The following CTPS2 variants were observed in gnomAD, a reference collection of about 807,000 sequenced individuals.
CTPS2 encodes CTP synthase II.
A neutral mutation model predicts 46.8 loss-of-function variants in CTPS2; 19 were observed. The ratio of observed to expected loss-of-function variants is 0.41; its 90% CI spans 0.28 to 0.60. CTPS2 has a LOEUF of 0.60. Ranked by LOEUF, CTPS2 falls within the 20% of genes least tolerant of loss-of-function variation. The probability of loss-of-function intolerance (pLI) is 0.35; values close to 1 mark genes in which losing one functional copy is unlikely to be tolerated. For synonymous variants in CTPS2, 151 were observed against 165.2 expected (o/e 0.91, Z 0.66); for missense variants, 286 against 447.6 (o/e 0.64, Z 3.26).
chrX:16,618,649 T>C (rs1336159518), intron 15 of CTPS2, among the ~76,000 whole-genome samples: 1 of 111,921 alleles, frequency 8.9e-6, no homozygotes, highest in Non-Finnish European at 1.9e-5. Context: ...GCTTAGTGGG[T>C]GTGAAGTGGT....
chrX:16,640,620 C>T (rs1196128075), intron 13 of CTPS2, among the ~76,000 whole-genome samples: 1 of 111,740 alleles, frequency 8.9e-6, no homozygotes, highest in African/African-American at 3.3e-5. Context: ...TGGTGAGTCT[C>T]GTAATTCATC....
In CTPS2 at chrX:16,609,617, G is replaced by C. The variant is rs1930162470; in HGVS notation, c.1615C>G (p.Pro539Ala). ...FSSRPMKPSP[P>A]YLGLLLAATG... ...GCTGCAAGTAACAGCCCCAGATACG[G>C]AGGGGAAGGCTTCATCGGCCTAGAA... is the stretch of plus-strand genomic sequence containing the variant. Residue 539 changes from proline (P) to alanine (A), a missense_variant, in exon 17 of 19, where the codon CCG (proline) becomes GCG (alanine). Coordinates refer to ENST00000359276, the MANE Select transcript of CTPS2 (RefSeq NM_175859.3). 3 of 1,210,971 alleles carry C rather than the reference G, an allele frequency of 2.5e-6. No individual in the cohort carries two copies. Among genetic ancestry groups the C allele is most frequent in the Non-Finnish European group, 3.4e-6 (3 of 894,738 alleles).
intron 13 of CTPS2, among the ~76,000 whole-genome samples, chrX:16,652,883 T>C (rs1186001998): frequency 9.0e-6 from 1 of 111,713 alleles, no homozygotes; most frequent in African/African-American, 3.3e-5. Flanking sequence ...GAAAACAGTG[T>C]TTCATATTCA....
intron 14 of CTPS2, among the ~76,000 whole-genome samples, chrX:16,632,603 T>A (rs1189493962): frequency 1.8e-5 from 2 of 110,446 alleles, no homozygotes; most frequent in Non-Finnish European, 3.8e-5. Context: ...TTTGTATTTT[T>A]AGTAGAGACA....
intron 17 of CTPS2, among the ~76,000 whole-genome samples, chrX:16,593,942 C>T (rs1353192411): frequency 9.0e-6 from 1 of 111,042 alleles, no homozygotes; most frequent in African/African-American, 3.3e-5. Flanking sequence ...ACTCTCCCTG[C>T]TCAAATGGAG....
intron 1 of CTPS2, among the ~76,000 whole-genome samples, chrX:16,705,078 G>T (rs1350059832): frequency 9.1e-6 from 1 of 110,242 alleles, no homozygotes; most frequent in African/African-American, 3.3e-5. Flanking sequence ...GCATAGCAGT[G>T]GGGGAGAGGG....
chrX:16,590,518 T>C (rs904016007), intron 18 of CTPS2, among the ~76,000 whole-genome samples: 14 of 111,479 alleles, frequency 1.3e-4, no homozygotes, highest in Non-Finnish European at 2.4e-4. Flanking sequence ...CCCCCACATA[T>C]ACATTTATAG....
At chrX:16,689,126 A>T (rs976667127) in intron 8 of CTPS2, among the ~76,000 whole-genome samples, 18 of 111,780 alleles carry the variant, frequency 1.6e-4, no homozygotes, top group Non-Finnish European at 2.3e-4. Flanking sequence ...ACAAAAAAAA[A>T]TTTTAAATAT....
intron 17 of CTPS2, among the ~76,000 whole-genome samples, chrX:16,608,264 G>C (rs1930089489): frequency 9.1e-6 from 1 of 110,010 alleles, no homozygotes; most frequent in African/African-American, 3.3e-5. Context: ...AATCCCTAAG[G>C]AATTTTTTAT....
chrX:16,611,668 A>C (rs1237798918), intron 16 of CTPS2, among the ~76,000 whole-genome samples: 3 of 111,513 alleles, frequency 2.7e-5, no homozygotes, highest in Admixed American at 1.9e-4. Context: ...AGGGTGGACT[A>C]GTTCTATCAT....
intron 10 of CTPS2, among the ~76,000 whole-genome samples, chrX:16,674,632 A>G (rs1379038704): frequency 2.9e-5 from 3 of 104,643 alleles, no homozygotes; most frequent in East Asian, 3.2e-4. Flanking sequence ...AGGTCAGGAG[A>G]TCGAGACCAT....
intron 14 of CTPS2, among the ~76,000 whole-genome samples, chrX:16,636,790 G>A (rs944828802): frequency 1.8e-5 from 2 of 110,780 alleles, no homozygotes; most frequent in Admixed American, 9.6e-5. Flanking sequence ...GCCGGCAGGC[G>A]CCTGTAGTCC....
rs1320203967 is a variant in CTPS2, at chrX:16,589,783, G to T, written c.*42-8C>A. ...CTTCAATTATTTCAGAGGCTTAAAA[G>T]AAAAGAATATAAATATTAGCAACAC... On this transcript the variant is annotated splice_polypyrimidine_tract_variant and splice_region_variant and intron_variant, in intron 18 of 18. Transcript: ENST00000359276. 2 of 112,184 alleles carry T rather than the reference G, an allele frequency of 1.8e-5. No individual in the cohort carries two copies. Among genetic ancestry groups the T allele is most frequent in the South Asian group, 3.7e-4 (1 of 2,682 alleles). The allele number at this position is 112,184 out of a possible 1,213,427, so 9.2% of individuals were successfully genotyped here.
intron 14 of CTPS2, among the ~76,000 whole-genome samples, chrX:16,623,792 C>CTTTTTTT (rs60328217): frequency 6.9e-4 from 15 of 21,688 alleles, no homozygotes; most frequent in East Asian, 1.9e-3. Context: ...CCCCTCAATT[C>CTTTTTTT]TTTTTTTTTT....
chrX:16,683,319 T>C (rs1922891510), intron 8 of CTPS2, 93 bp from the exon 9 acceptor site: 1 of 954,166 alleles, frequency 1.0e-6, no homozygotes, highest in African/African-American at 1.9e-5. Flanking sequence ...CAAGGCACTT[T>C]TTAAATCCTC....
rs377685294 is a variant in CTPS2 at position 16,683,084 on chromosome X, C to G, written c.1005+10G>C. Reference sequence around the variant, plus strand: ...TACTGAGATAGCCAAAAGACCAGGCCAGGACTCACCATCAGATTCAACTTG... The same window carrying G: ...TACTGAGATAGCCAAAAGACCAGGCGAGGACTCACCATCAGATTCAACTTG... On this transcript the variant is annotated intron_variant, in intron 9 of 18. Coordinates refer to ENST00000359276, the MANE Select transcript of CTPS2 (RefSeq NM_175859.3). 3.1e-5 allele frequency: 37 copies of G among 1,208,997 alleles called. No individual in the cohort carries two copies. The highest frequency in any genetic ancestry group is 4.1e-5 in the Non-Finnish European group (37 of 894,907).
intron 14 of CTPS2, among the ~76,000 whole-genome samples, chrX:16,632,015 C>A (rs1168263531): frequency 8.9e-6 from 1 of 112,017 alleles, no homozygotes. Context: ...TCAAAGCACC[C>A]CACTTAAGAC....
At chrX:16,603,143 G>A (rs898319978) in intron 17 of CTPS2, among the ~76,000 whole-genome samples, 2 of 111,653 alleles carry the variant, frequency 1.8e-5, no homozygotes, top group African/African-American at 3.3e-5. Flanking sequence ...ATGGCCTGGC[G>A]CGGTGGCTCA....
At chrX:16,646,422 T>C (rs181412104) in intron 13 of CTPS2, among the ~76,000 whole-genome samples, 1 of 112,336 alleles carries the variant, frequency 8.9e-6, no homozygotes, top group Non-Finnish European at 1.9e-5. Context: ...ACACTGCCCA[T>C]AGTAAAGATA....
Sources: gnomAD v4.1 joint callset for allele counts (sites outside exome capture counted in the v4.1 genomes callset) on GRCh38, gnomAD v4.1.1 for gene constraint, MANE v1.5 for transcripts, NCBI Gene and HGNC (gene_info 2026-07-23, HGNC 2026-07-21) for gene names.